Variants in IQSEC3 observed in about 807,000 individuals in gnomAD.
IQSEC3 encodes IQ motif and SEC7 domain-containing protein 3.
Under a neutral mutation model 105.4 loss-of-function variants are expected in IQSEC3, and 50 were observed. The ratio of observed to expected loss-of-function variants is 0.47; its 90% CI spans 0.38 to 0.60. The LOEUF (loss-of-function observed/expected upper bound fraction) is 0.60. IQSEC3 is among the 20% of genes least tolerant of loss of function. The probability of loss-of-function intolerance (pLI) is 0.00; values close to 1 mark genes in which losing one functional copy is unlikely to be tolerated. For synonymous variants in IQSEC3, 708 were observed against 746.0 expected (o/e 0.95, Z 0.83); for missense variants, 1,415 against 1,630.0 (o/e 0.87, Z 2.27).
At chr12:147,399 C>T (rs555980512) in intron 5 of IQSEC3, among the ~76,000 whole-genome samples, 23 of 152,326 alleles carry the variant, frequency 1.5e-4, no homozygotes, top group Admixed American at 5.9e-4. Context: ...GGACGTGCTG[C>T]TAATCTGTAC....
intron 1 of IQSEC3, among the ~76,000 whole-genome samples, chr12:95,085 C>G (rs1262973579): frequency 6.6e-6 from 1 of 152,140 alleles, no homozygotes; most frequent in Non-Finnish European, 1.5e-5. Flanking sequence ...GGCCAGGAAG[C>G]CTTGGGTGCC....
intron 1 of IQSEC3, among the ~76,000 whole-genome samples, chr12:97,297 CAT>C (rs1434213415): frequency 6.6e-6 from 1 of 152,164 alleles, no homozygotes; most frequent in Non-Finnish European, 1.5e-5. Context: ...CCTAGTCTAT[CAT>C]GTGTCTTTTG....
intron 9 of IQSEC3, 44 bp from the exon 10 acceptor site, chr12:165,386 CGTGA>C (rs782594192): frequency 1.5e-5 from 22 of 1,437,622 alleles, no homozygotes; most frequent in East Asian, 2.3e-5. Flanking sequence ...TCCATGTGTC[CGTGA>C]GTGTCTGTTC....
rs1555087651 is a variant in IQSEC3 at position 138,766 on chromosome 12, C to T, written c.1403C>T (p.Ala468Val). 1.9e-6 allele frequency: 3 copies of T among 1,577,122 alleles called. No homozygotes were observed. Among genetic ancestry groups the T allele is most frequent in the East Asian group, 2.3e-5 (1 of 43,174 alleles). The part of the protein sequence containing the change: ...SAGPGPGDDA[A>V]ETPGLPPAHS... ...GGCCCCGGGCCCGGGGATGACGCCG[C>T]GGAGACCCCCGGCCTGCCCCCGGCC... Residue 468 changes from alanine (A) to valine (V), a missense_variant, in exon 4 of 14, where the codon GCG becomes GTG. Ala to Val is a moderately conservative substitution (Grantham distance 64). Coordinates refer to ENST00000538872, the MANE Select transcript of IQSEC3 (RefSeq NM_001170738.2). This position sits in a 1 kb window ranked among gnomAD's most constrained non-coding sequence, Gnocchi z 7.1.
At chr12:74,099 G>T (rs1263450774) in intron 1 of IQSEC3, among the ~76,000 whole-genome samples, 1 of 152,182 alleles carries the variant, frequency 6.6e-6, no homozygotes, top group African/African-American at 2.4e-5. Flanking sequence ...CTAGGAGAAG[G>T]TACACTGACT....
chr12:157,456 C>T (rs1034927198), intron 6 of IQSEC3, 72 bp from the exon 7 acceptor site: 1 of 1,484,082 alleles, frequency 6.7e-7, no homozygotes, highest in Non-Finnish European at 9.1e-7. Context: ...CCTGGACACC[C>T]CCTTCCTTTG....
At chr12:85,564 G>T (rs1172472948) in intron 1 of IQSEC3, among the ~76,000 whole-genome samples, 2 of 152,254 alleles carry the variant, frequency 1.3e-5, no homozygotes, top group Non-Finnish European at 2.9e-5. Context: ...AAGAGAGACA[G>T]TGGCATGGAG....
intron 2 of IQSEC3, among the ~76,000 whole-genome samples, chr12:111,155 A>C (rs1182304183): frequency 6.6e-6 from 1 of 151,898 alleles, no homozygotes; most frequent in Admixed American, 6.6e-5. Context: ...TTTAAAGGGG[A>C]ACATGGGGGT....
intron 3 of IQSEC3, among the ~76,000 whole-genome samples, chr12:126,153 G>C (rs1270775468): frequency 1.3e-5 from 2 of 152,198 alleles, no homozygotes; most frequent in Non-Finnish European, 2.9e-5. Flanking sequence ...GCACGTCCAG[G>C]GGCTCTGCTC....
rs1865908210 is a variant in IQSEC3, at chr12:139,109, G to A, written c.1746G>A (p.Glu582=). 3 of 1,507,530 alleles carry A rather than the reference G, an allele frequency of 2.0e-6. No homozygotes were observed. In the African/African-American group the frequency reaches 4.2e-5, roughly 21 times the overall value. The allele number at this position is 1,507,530 out of a possible 1,614,324, so 93.4% of individuals were successfully genotyped here. A position where few individuals can be genotyped will look rare whatever the true frequency, so the allele number is the denominator to read the frequency against. The change falls in exon 4 of 14, where the codon GAG becomes GAA. Residue 582 remains glutamate, a synonymous_variant. Transcript: ENST00000538872. ...AAGAGGAGGAGGAGGAGACGGCGGA[G>A]GTGGGGAGAGGGGCCGAGGCCGAGG... ...EEEEEEEETA[E]VGRGAEAEAG... is the part of the protein sequence containing the mutation.
intron 2 of IQSEC3, among the ~76,000 whole-genome samples, chr12:117,895 G>C (rs151016959): frequency 6.6e-6 from 1 of 152,250 alleles, no homozygotes; most frequent in Non-Finnish European, 1.5e-5. Context: ...GGCCATGGCA[G>C]GGGAGGCTTA....
intron 3 of IQSEC3, among the ~76,000 whole-genome samples, chr12:137,138 C>T (rs1338874087): frequency 6.6e-6 from 1 of 152,020 alleles, no homozygotes; most frequent in East Asian, 1.9e-4. Context: ...TGGAGGGACC[C>T]CCATTCTTGA....
chr12:141,977 C>T (rs1478476483), intron 5 of IQSEC3: 3 of 152,452 alleles, frequency 2.0e-5, no homozygotes, highest in Non-Finnish European at 2.9e-5. Context: ...GGGGCTGGCG[C>T]TCCTCTGAGG....
At chr12:174,551 G>A (rs1939169361) in intron 13 of IQSEC3, 48 bp from the exon 14 acceptor site, 1 of 1,479,880 alleles carries the variant, frequency 6.8e-7, no homozygotes, top group South Asian at 1.3e-5. Context: ...TAGCAGCTGG[G>A]AATTAGTCTT....
chr12:121,195 C>T (rs1186314065), intron 2 of IQSEC3, among the ~76,000 whole-genome samples: 3 of 152,182 alleles, frequency 2.0e-5, no homozygotes, highest in African/African-American at 7.2e-5. Context: ...GAGACACAGC[C>T]TGTGTCTTGG....
intron 1 of IQSEC3, among the ~76,000 whole-genome samples, chr12:92,757 C>T (rs1315162956): frequency 6.6e-6 from 1 of 152,152 alleles, no homozygotes; most frequent in African/African-American, 2.4e-5. Context: ...TGCATGCCAC[C>T]ATCTGCCCTG....
At chr12:156,876 C>T (rs1174574556) in intron 5 of IQSEC3, 149 bp from the exon 6 acceptor site, 2 of 949,964 alleles carry the variant, frequency 2.1e-6, no homozygotes, top group Non-Finnish European at 2.9e-6. Flanking sequence ...AGGAGATGGT[C>T]CTCTTGGGGC....
rs995338968 is a variant in IQSEC3, at chr12:125,764, G to A, written c.755G>A (p.Arg252Gln). Reference protein sequence around the residue: ...QAQELQEEEERPGAGAASPRA... With the variant: ...QAQELQEEEEQPGAGAASPRA... Reference sequence around the variant, plus strand: ...CAGGAGCTGCAGGAGGAGGAGGAGCGGCCGGGGGCAGGGGCTGCCTCCCCA... The same window carrying A: ...CAGGAGCTGCAGGAGGAGGAGGAGCAGCCGGGGGCAGGGGCTGCCTCCCCA... The change falls in exon 3 of 14, where the codon CGG (arginine) becomes CAG (glutamine). Residue 252 changes from arginine (R) to glutamine (Q), a missense_variant. Coordinates refer to ENST00000538872, the MANE Select transcript of IQSEC3 (RefSeq NM_001170738.2). The A allele has an allele frequency of 1.7e-5, 26 of 1,512,154 alleles. 1 individual carries two copies. The highest frequency in any genetic ancestry group is 1.9e-4 in the Middle Eastern group (1 of 5,344). The allele number at this position is 1,512,154 out of a possible 1,614,324, so 93.7% of individuals were successfully genotyped here. A position where few individuals can be genotyped will look rare whatever the true frequency, so the allele number is the denominator to read the frequency against.
At chr12:70,931 C>T (rs1863290624) in intron 1 of IQSEC3, among the ~76,000 whole-genome samples, 1 of 152,284 alleles carries the variant, frequency 6.6e-6, no homozygotes, top group Non-Finnish European at 1.5e-5. Context: ...CCTCCTCTGC[C>T]TCACTACCCT....
Sources: gnomAD v4.1 joint callset for allele counts (sites outside exome capture counted in the v4.1 genomes callset) on GRCh38, gnomAD v4.1.1 for gene constraint, Gnocchi (gnomAD v3.1) non-coding constraint, MANE v1.5 for transcripts, NCBI Gene and HGNC (gene_info 2026-07-23, HGNC 2026-07-21) for gene names.